Variants in BICC1 observed in about 807,000 individuals in gnomAD.
The protein encoded by BICC1 is BicC family RNA binding protein 1, also known as protein bicaudal C homolog 1.
BICC1 carries 43 observed loss-of-function variants against 111.0 expected under a neutral mutation model. The ratio of observed to expected loss-of-function variants is 0.39; its 90% CI spans 0.30 to 0.50. The LOEUF (loss-of-function observed/expected upper bound fraction) is 0.50, where lower values mean the gene tolerates loss of function less well. Ranked by LOEUF, BICC1 falls within the 20% of genes least tolerant of loss-of-function variation. The pLI is 0.88. For synonymous variants in BICC1, 467 were observed against 434.4 expected (o/e 1.07, Z -0.93); for missense variants, 1,091 against 1,203.2 (o/e 0.91, Z 1.38).
intron 1 of BICC1, among the ~76,000 whole-genome samples, chr10:58,589,567 G>A (rs1051728307): frequency 6.6e-6 from 1 of 151,788 alleles, no homozygotes; most frequent in Non-Finnish European, 1.5e-5. Context: ...GAATGCCTGG[G>A]GTCAAGCTAT....
At chr10:58,789,986 T>C in intron 8 of BICC1, 53 bp downstream of exon 8, 2 of 1,584,330 alleles carry the variant, frequency 1.3e-6, no homozygotes, top group Non-Finnish European at 1.7e-6. Flanking sequence ...TTGGATTCAG[T>C]GCATGTTTTT....
intron 1 of BICC1, among the ~76,000 whole-genome samples, chr10:58,577,764 T>C (rs898675502): frequency 1.3e-5 from 2 of 152,198 alleles, no homozygotes; most frequent in African/African-American, 4.8e-5. Flanking sequence ...CTAAAATATG[T>C]CCTTAAAATC....
chr10:58,637,680 T>G (rs1293759900), intron 2 of BICC1, among the ~76,000 whole-genome samples: 1 of 152,266 alleles, frequency 6.6e-6, no homozygotes, highest in Non-Finnish European at 1.5e-5. Context: ...CTTTCATCTT[T>G]ATTGTTATGA....
At chr10:58,729,605 C>T (rs1841224039) in intron 3 of BICC1, among the ~76,000 whole-genome samples, 1 of 152,178 alleles carries the variant, frequency 6.6e-6, no homozygotes, top group Non-Finnish European at 1.5e-5. Context: ...TTAATTGGCT[C>T]ATGATTCCAC....
rs1207496600 is a variant in BICC1, at chr10:58,789,121, TA to T, written c.601-140del. ...ACAGAAAGGAAAAAAAAAAACTTTA[TA>T]TAATGTAGCTAAACTTAATATCTAT... On this transcript the variant is annotated intron_variant, in intron 6 of 20. Coordinates refer to ENST00000373886, the MANE Select transcript of BICC1 (RefSeq NM_001080512.3). 4 of 660,148 alleles carry T rather than the reference TA, an allele frequency of 6.1e-6. No homozygotes were observed. In the Admixed American group the frequency reaches 9.6e-5, roughly 16 times the overall value. The allele number at this position is 660,148 out of a possible 1,614,324, so 40.9% of individuals were successfully genotyped here.
chr10:58,788,844 G>T (rs906244956), intron 6 of BICC1, among the ~76,000 whole-genome samples: 4 of 152,222 alleles, frequency 2.6e-5, no homozygotes, highest in Non-Finnish European at 5.9e-5. Context: ...CCAGCACTTT[G>T]GGAGGCCAAG....
chr10:58,738,039 G>A (rs975228711), intron 3 of BICC1, among the ~76,000 whole-genome samples: 2 of 152,092 alleles, frequency 1.3e-5, no homozygotes, highest in African/African-American at 4.8e-5. Context: ...TCTGTAGGTT[G>A]CCTGTTCACT....
chr10:58,753,828 TTTGCC>T (rs1240120297), intron 3 of BICC1, among the ~76,000 whole-genome samples: 2 of 152,154 alleles, frequency 1.3e-5, no homozygotes, highest in South Asian at 2.1e-4. Context: ...AAAGGCCCTT[TTTGCC>T]TTGCCTTGCC....
intron 18 of BICC1, among the ~76,000 whole-genome samples, chr10:58,816,207 A>G (rs996625175): frequency 7.2e-5 from 11 of 152,098 alleles, no homozygotes; most frequent in African/African-American, 2.7e-4. Context: ...TCTGGTGGTC[A>G]CTCACCCCAA....
At chr10:58,718,808 G>T (rs1250369151) in intron 3 of BICC1, among the ~76,000 whole-genome samples, 1 of 151,668 alleles carries the variant, frequency 6.6e-6, no homozygotes, top group South Asian at 2.1e-4. Flanking sequence ...GTGCTTATGG[G>T]TATGTGTGTG....
At chr10:58,517,089 TA>T (rs554196393) in intron 1 of BICC1, among the ~76,000 whole-genome samples, 36 of 152,204 alleles carry the variant, frequency 2.4e-4, no homozygotes, top group Middle Eastern at 3.4e-3. Context: ...AATTATTATT[TA>T]AAAAAAATTT....
At chr10:58,793,754 C>A in intron 9 of BICC1, 139 bp downstream of exon 9, 2 of 912,154 alleles carry the variant, frequency 2.2e-6, no homozygotes, top group Non-Finnish European at 3.2e-6. Flanking sequence ...CGGAATGCTC[C>A]AAAAGCTGAA....
chr10:58,685,201 G>C (rs998696634), intron 2 of BICC1, among the ~76,000 whole-genome samples: 2 of 152,152 alleles, frequency 1.3e-5, no homozygotes, highest in African/African-American at 4.8e-5. Flanking sequence ...TCTTAATCCT[G>C]AGTTCTAGTT....
rs1843127160 is a variant in BICC1 at position 58,789,937 on chromosome 10, A to G, written c.1047+4A>G. 1.9e-6 allele frequency: 3 copies of G among 1,613,640 alleles called. No individual in the cohort carries two copies. The African/African-American group carries it at 4.0e-5, about 22-fold the overall frequency. On this transcript the variant is annotated splice_donor_region_variant and intron_variant, in intron 8 of 20. Coordinates refer to ENST00000373886, the MANE Select transcript of BICC1 (RefSeq NM_001080512.3). ...TCTTGCAAGGCAATATCTCATGGTA[A>G]GGTTACTGAAATAAGTGTTACAATT...
chr10:58,675,173 G>C (rs912352151), intron 2 of BICC1, among the ~76,000 whole-genome samples: 9 of 152,108 alleles, frequency 5.9e-5, no homozygotes, highest in Admixed American at 2.6e-4. Context: ...GAGAAGCTGG[G>C]AGAGAGGAGA....
At chr10:58,607,569 C>G (rs991841567) in intron 1 of BICC1, among the ~76,000 whole-genome samples, 1 of 151,942 alleles carries the variant, frequency 6.6e-6, no homozygotes, top group Non-Finnish European at 1.5e-5. Context: ...TTCTCCTCCT[C>G]CCCATTCTCT....
At chr10:58,521,091 G>A (rs183434061) in intron 1 of BICC1, among the ~76,000 whole-genome samples, 1 of 152,190 alleles carries the variant, frequency 6.6e-6, no homozygotes, top group Admixed American at 6.5e-5. Context: ...GGTTTCCGGT[G>A]TCTGTATAAT....
Position 58,799,230 on chromosome 10 carries a change from C to G in BICC1, c.1703C>G (p.Ala568Gly). The G allele has an allele frequency of 6.2e-6, 10 of 1,607,916 alleles. No individual in the cohort carries two copies. Among genetic ancestry groups the G allele is most frequent in the Non-Finnish European group, 8.5e-6 (10 of 1,176,456 alleles). Residue 568 changes from alanine (A) to glycine (G), a missense_variant, in exon 12 of 21, where the codon GCT becomes GGT. Ala to Gly is a moderately conservative substitution (Grantham distance 60, BLOSUM62 0). Coordinates refer to ENST00000373886, the MANE Select transcript of BICC1 (RefSeq NM_001080512.3). ...SMQTEGKKIS[A>G]ALNGHAQSPD... ...CAGACCGAAGGCAAAAAAATCTCTG[C>G]TGCTTTAAATGGACATGCACAGGTA...
At chr10:58,661,306 AT>A (rs1271925630) in intron 2 of BICC1, among the ~76,000 whole-genome samples, 2 of 150,658 alleles carry the variant, frequency 1.3e-5, no homozygotes, top group Non-Finnish European at 2.9e-5. Context: ...AGTTAGTTCC[AT>A]GTCATTTCTC....
Sources: gnomAD v4.1 joint callset for allele counts (sites outside exome capture counted in the v4.1 genomes callset) on GRCh38, gnomAD v4.1.1 for gene constraint, MANE v1.5 for transcripts, NCBI Gene and HGNC (gene_info 2026-07-23, HGNC 2026-07-21) for gene names.